Variants in ZNF365 observed in about 807,000 individuals in gnomAD.
The protein encoded by ZNF365 is protein ZNF365.
Under a neutral mutation model 35.0 loss-of-function variants are expected in ZNF365, and 22 were observed. That is an observed-to-expected ratio of 0.63 (90% confidence interval 0.45 to 0.90). ZNF365 has a LOEUF of 0.90. Among genes scored for constraint, ZNF365 ranks in the 40% least tolerant of loss-of-function variants. The pLI is 0.00. For missense variants in ZNF365, 448 were observed against 500.3 expected, an observed-to-expected ratio of 0.90 and a Z score of 1.00; for synonymous variants, 188 against 196.2, an observed-to-expected ratio of 0.96 and a Z score of 0.35.
chr10:62,399,069 T>C (rs1408825019), intron 4 of ZNF365, among the ~76,000 whole-genome samples: 1 of 152,218 alleles, frequency 6.6e-6, no homozygotes, highest in Non-Finnish European at 1.5e-5. Context: ...GTGGTCATAA[T>C]AACTCTATAG....
intron 3 of ZNF365, among the ~76,000 whole-genome samples, chr10:62,424,866 A>G (rs1840227938): frequency 6.6e-6 from 1 of 152,180 alleles, no homozygotes; most frequent in South Asian, 2.1e-4. Flanking sequence ...TTCAAGATGG[A>G]AAACGTTTTT....
chr10:62,374,989 G>A (rs1033260633), intron 1 of ZNF365, among the ~76,000 whole-genome samples: 2 of 152,152 alleles, frequency 1.3e-5, no homozygotes, highest in Non-Finnish European at 2.9e-5. Flanking sequence ...TCTGGGGGCC[G>A]GGGGCTTCAC....
At chr10:62,425,986 C>A (rs1214004307) in intron 3 of ZNF365, among the ~76,000 whole-genome samples, 2 of 152,066 alleles carry the variant, frequency 1.3e-5, no homozygotes, top group African/African-American at 4.8e-5. Flanking sequence ...TCCAAACAAC[C>A]ATTTTGACTC....
intron 3 of ZNF365, among the ~76,000 whole-genome samples, chr10:62,430,087 A>T (rs377315680): frequency 6.6e-6 from 1 of 152,226 alleles, no homozygotes; most frequent in Non-Finnish European, 1.5e-5. Flanking sequence ...TAACATAAGC[A>T]TGATTTCACT....
At chr10:62,473,773 G>A (rs1369809287) in intron 4 of ZNF365, among the ~76,000 whole-genome samples, 1 of 152,152 alleles carries the variant, frequency 6.6e-6, no homozygotes, top group Admixed American at 6.5e-5. Context: ...CTGGCAGCAA[G>A]TTGAAGAAAA....
At chr10:62,446,139 C>T (rs917045585) in intron 3 of ZNF365, among the ~76,000 whole-genome samples, 2 of 152,168 alleles carry the variant, frequency 1.3e-5, no homozygotes, top group African/African-American at 2.4e-5. Context: ...TGAGAAAGTT[C>T]TCAGGAGTCC....
chr10:62,409,434 C>CGT (rs1429892942), intron 3 of ZNF365, among the ~76,000 whole-genome samples: 1 of 152,176 alleles, frequency 6.6e-6, no homozygotes, highest in East Asian at 1.9e-4. Context: ...CGCTAGAATC[C>CGT]GTCTCTGTTG....
chr10:62,388,269 G>T, intron 2 of ZNF365, 127 bp from the exon 3 acceptor site: 5 of 940,380 alleles, frequency 5.3e-6, no homozygotes, highest in Non-Finnish European at 8.0e-6. Flanking sequence ...TACCTCTCTC[G>T]TCATTGCCAT....
At chr10:62,468,287 G>A (rs1393168529) in intron 4 of ZNF365, among the ~76,000 whole-genome samples, 1 of 152,116 alleles carries the variant, frequency 6.6e-6, no homozygotes, top group African/African-American at 2.4e-5. Context: ...ATACATGTGT[G>A]AGAACTTATA....
intron 3 of ZNF365, among the ~76,000 whole-genome samples, chr10:62,456,863 C>T (rs1564596925): frequency 6.6e-6 from 1 of 152,116 alleles, no homozygotes; most frequent in Admixed American, 6.5e-5. Context: ...CACACACAAA[C>T]TCAGTGATTA....
At chr10:62,385,784 G>A (rs10761628) in intron 2 of ZNF365, among the ~76,000 whole-genome samples, 58,155 of 151,990 alleles carry the variant, frequency 0.38, 11,502 homozygotes, top group Middle Eastern at 0.47. Context: ...AGCTGATTCT[G>A]TCCCTGCCCA....
intron 4 of ZNF365, among the ~76,000 whole-genome samples, chr10:62,477,173 G>T (rs745699526): frequency 1.3e-5 from 2 of 152,156 alleles, no homozygotes; most frequent in Non-Finnish European, 2.9e-5. Flanking sequence ...TTGCAAGTGG[G>T]TATATGAGGT....
chr10:62,403,700 C>T (rs1010877443), downstream of ZNF365, among the ~76,000 whole-genome samples: 15 of 152,112 alleles, frequency 9.9e-5, no homozygotes, highest in African/African-American at 3.6e-4. Context: ...AAGAACTGGA[C>T]CCACTCAGTT....
rs186357198 is a variant in ZNF365 at position 62,402,144 on chromosome 10, C to T, written c.*2355C>T. On this transcript the variant is annotated 3_prime_UTR_variant, in exon 5 of 5. Transcript: ENST00000395254. ...TGGGCCGTTGACCTTAGAGTTAAGG[C>T]GGTTGCTTTTTTGAAGAAATCACCA... 37 of 985,902 alleles carry T rather than the reference C, an allele frequency of 3.8e-5. No individual in the cohort carries two copies. Among genetic ancestry groups the T allele is most frequent in the African/African-American group, 3.7e-4 (21 of 57,344 alleles). The allele number at this position is 985,902 out of a possible 1,614,324, so 61.1% of individuals were successfully genotyped here.
chr10:62,461,072 CACCCCAGAGAGAG>C (rs1159154344), intron 4 of ZNF365, among the ~76,000 whole-genome samples: 9 of 152,162 alleles, frequency 5.9e-5, no homozygotes, highest in African/African-American at 2.2e-4. Flanking sequence ...TCAACTCCTC[CACCCCAGAGAGAG>C]ACCCAAGCTT....
intron 4 of ZNF365, among the ~76,000 whole-genome samples, chr10:62,464,362 G>A (rs1840897704): frequency 6.6e-6 from 1 of 152,196 alleles, no homozygotes; most frequent in Non-Finnish European, 1.5e-5. Context: ...ACACGTAAGA[G>A]GATTGTAACT....
chr10:62,396,020 TA>T (rs1839721162), intron 3 of ZNF365, among the ~76,000 whole-genome samples: 1 of 152,146 alleles, frequency 6.6e-6, no homozygotes, highest in South Asian at 2.1e-4. Context: ...GTAGATGGAC[TA>T]AGTGGGAAAA....
chr10:62,391,553 C>T (rs575010632), intron 3 of ZNF365, among the ~76,000 whole-genome samples: 328 of 152,340 alleles, frequency 2.2e-3, no homozygotes, highest in African/African-American at 7.5e-3. Context: ...GTTCCATCCA[C>T]GTTGCTGAGA....
Position 62,400,853 on chromosome 10 carries a change from C to T in ZNF365, c.*1064C>T. 1.0e-6 allele frequency: 1 copy of T among 985,462 alleles called. No individual in the cohort carries two copies. The highest frequency in any genetic ancestry group is 1.2e-6 in the Non-Finnish European group (1 of 829,934). The allele number at this position is 985,462 out of a possible 1,614,324, so 61.0% of individuals were successfully genotyped here. ...CTTCAGGTATCTTTCAACCAAGTATCTGGAGTGTTCACTCTATGTTGCATT... is the reference window on the plus strand; with the variant it reads ...CTTCAGGTATCTTTCAACCAAGTATTTGGAGTGTTCACTCTATGTTGCATT... On this transcript the variant is annotated 3_prime_UTR_variant, in exon 5 of 5. Coordinates refer to ENST00000395254, the MANE Select transcript of ZNF365 (RefSeq NM_014951.3).
Sources: gnomAD v4.1 joint callset for allele counts (sites outside exome capture counted in the v4.1 genomes callset) on GRCh38, gnomAD v4.1.1 for gene constraint, MANE v1.5 for transcripts, NCBI Gene and HGNC (gene_info 2026-07-23, HGNC 2026-07-21) for gene names.